Variants in DDX10 observed in about 807,000 individuals in gnomAD.
The protein encoded by DDX10 is DEAD-box helicase 10.
In DDX10, 74 loss-of-function variants were observed where a neutral mutation model predicts 104.3. The observed-to-expected ratio is 0.71, with a 90% confidence interval of 0.59 to 0.86. The LOEUF is 0.86. DDX10 is among the 40% of genes least tolerant of loss of function. DDX10 has a pLI of 0.00. For missense variants in DDX10, 952 were observed against 1,040.0 expected, an observed-to-expected ratio of 0.92 and a Z score of 1.16; for synonymous variants, 351 against 353.4, an observed-to-expected ratio of 0.99 and a Z score of 0.08.
chr11:108,778,626 A>G (rs1032133699), intron 13 of DDX10, among the ~76,000 whole-genome samples: 8 of 152,238 alleles, frequency 5.3e-5, no homozygotes, highest in Non-Finnish European at 1.2e-4. Context: ...TTCAGGCCAT[A>G]GGCATGGGCA....
At position 108,837,607 on chromosome 11, in the gene DDX10, C is replaced by CTTTTTTTTTTTTTTTT. The variant is rs142381520; in HGVS notation, c.1966-819_1966-804dup. On this transcript the variant is annotated intron_variant, in intron 13 of 17. Transcript: ENST00000322536. ...TTCTGCATCTCACCTTTGGATACAG[C>CTTTTTTTTTTTTTTTT]TTTTTTTTTTTTTTTTTTTTTTTTT... Among the ~76,000 whole-genome samples the CTTTTTTTTTTTTTTTT allele has an allele frequency of 2.6e-4, 9 of 34,748 alleles. 2 individuals are homozygous for CTTTTTTTTTTTTTTTT. Among genetic ancestry groups the CTTTTTTTTTTTTTTTT allele is most frequent in the Admixed American group, 8.3e-4 (2 of 2,400 alleles). 22.8% of individuals were successfully genotyped at this position (34,748 alleles called of 152,430 possible). A position where few individuals can be genotyped will look rare whatever the true frequency, so the allele number is the denominator to read the frequency against.
intron 13 of DDX10, among the ~76,000 whole-genome samples, chr11:108,837,767 C>T (rs188296067): frequency 5.3e-4 from 80 of 151,544 alleles, no homozygotes; most frequent in Non-Finnish European, 9.0e-4. Flanking sequence ...GGATTACAGG[C>T]GCCCGCCACC....
intron 13 of DDX10, among the ~76,000 whole-genome samples, chr11:108,775,424 G>A (rs933941520): frequency 6.6e-6 from 1 of 152,130 alleles, no homozygotes; most frequent in Non-Finnish European, 1.5e-5. Flanking sequence ...TTGGGAGTTG[G>A]TGATGAGCTA....
intron 14 of DDX10, 113 bp from the exon 15 acceptor site, chr11:108,841,202 T>A: frequency 1.2e-6 from 1 of 818,146 alleles, no homozygotes; most frequent in Non-Finnish European, 1.9e-6. Flanking sequence ...ACAGATTAGA[T>A]TGTAAGGCAG....
intron 13 of DDX10, among the ~76,000 whole-genome samples, chr11:108,741,076 G>A (rs71489918): frequency 0.13 from 19,305 of 152,040 alleles, 1,454 homozygotes; most frequent in East Asian, 0.25. Context: ...TCCCCCATTG[G>A]TTGTTTTTGT....
intron 16 of DDX10, among the ~76,000 whole-genome samples, chr11:108,886,258 G>A (rs1863295145): frequency 6.6e-6 from 1 of 152,136 alleles, no homozygotes; most frequent in South Asian, 2.1e-4. Flanking sequence ...AGATATTTAA[G>A]CCTCAGAACT....
At chr11:108,704,998 C>T (rs895584183) in intron 9 of DDX10, among the ~76,000 whole-genome samples, 3 of 152,172 alleles carry the variant, frequency 2.0e-5, no homozygotes, top group Non-Finnish European at 4.4e-5. Flanking sequence ...GGCAGTGCCA[C>T]CTCTCAGTAT....
chr11:108,912,035 G>A (rs1863687694), intron 16 of DDX10, among the ~76,000 whole-genome samples: 1 of 152,098 alleles, frequency 6.6e-6, no homozygotes, highest in Admixed American at 6.5e-5. Context: ...TTATGTACCT[G>A]TCTCAGTCAC....
At chr11:108,799,383 C>T (rs10789682) in intron 13 of DDX10, among the ~76,000 whole-genome samples, 68,911 of 152,054 alleles carry the variant, frequency 0.45, 18,973 homozygotes, top group Non-Finnish European at 0.61. Context: ...CCTAACATAA[C>T]AAACAATCTC....
At chr11:108,829,145 A>G (rs1424529636) in intron 13 of DDX10, among the ~76,000 whole-genome samples, 1 of 152,186 alleles carries the variant, frequency 6.6e-6, no homozygotes, top group African/African-American at 2.4e-5. Context: ...CATCAAATGG[A>G]TCTACTTTTA....
chr11:108,686,211 G>T (rs1591791464), intron 6 of DDX10, among the ~76,000 whole-genome samples: 1 of 152,268 alleles, frequency 6.6e-6, no homozygotes, highest in Non-Finnish European at 1.5e-5. Flanking sequence ...TAGAATGGTG[G>T]TGCATTTGCT....
intron 13 of DDX10, among the ~76,000 whole-genome samples, chr11:108,753,058 T>A (rs1314156668): frequency 1.3e-5 from 2 of 150,690 alleles, no homozygotes; most frequent in Non-Finnish European, 3.0e-5. Context: ...GGAAATGTGC[T>A]TTGTATATAT....
At chr11:108,688,024 T>C (rs1254312574) in intron 6 of DDX10, among the ~76,000 whole-genome samples, 1 of 152,204 alleles carries the variant, frequency 6.6e-6, no homozygotes, top group Non-Finnish European at 1.5e-5. Flanking sequence ...TAGACATCAC[T>C]CCTCAGCAAT....
At chr11:108,928,751 A>T (rs932965524) in intron 17 of DDX10, among the ~76,000 whole-genome samples, 11 of 152,228 alleles carry the variant, frequency 7.2e-5, no homozygotes, top group Admixed American at 1.3e-4. Context: ...AAAGTGAAAT[A>T]TGACATTGAA....
chr11:108,773,479 T>G (rs2094365951), intron 13 of DDX10, among the ~76,000 whole-genome samples: 1 of 152,212 alleles, frequency 6.6e-6, no homozygotes, highest in African/African-American at 2.4e-5. Flanking sequence ...TGTTCTATTC[T>G]TCTACCAAAT....
intron 13 of DDX10, among the ~76,000 whole-genome samples, chr11:108,724,854 T>C (rs540539036): frequency 2.0e-5 from 3 of 152,240 alleles, no homozygotes; most frequent in African/African-American, 7.2e-5. Context: ...AAAAAAGTTT[T>C]ACTCTATGTC....
At chr11:108,730,420 C>T (rs917751565) in intron 13 of DDX10, among the ~76,000 whole-genome samples, 9 of 152,140 alleles carry the variant, frequency 5.9e-5, no homozygotes, top group Admixed American at 5.2e-4. Context: ...GGCTATCAAA[C>T]AAAAGGAAAA....
intron 11 of DDX10, among the ~76,000 whole-genome samples, chr11:108,717,043 T>C: frequency 6.6e-6 from 1 of 152,232 alleles, no homozygotes; most frequent in Non-Finnish European, 1.5e-5. Flanking sequence ...TTTGAGTTCT[T>C]ATCATTTTCA....
intron 4 of DDX10, among the ~76,000 whole-genome samples, chr11:108,677,930 A>C (rs1303144258): frequency 6.6e-6 from 1 of 152,010 alleles, no homozygotes; most frequent in African/African-American, 2.4e-5. Context: ...TTCACAAAGT[A>C]CAGTCCTTGA....
Sources: gnomAD v4.1 joint callset for allele counts (sites outside exome capture counted in the v4.1 genomes callset) on GRCh38, gnomAD v4.1.1 for gene constraint, MANE v1.5 for transcripts, NCBI Gene and HGNC (gene_info 2026-07-23, HGNC 2026-07-21) for gene names.